The following PTGR2 variants were observed in gnomAD, a reference collection of about 807,000 sequenced individuals.
PTGR2 encodes the protein 15-oxoprostaglandin 13-reductase.
In PTGR2, 32 loss-of-function variants were observed where a neutral mutation model predicts 43.4. The ratio of observed to expected loss-of-function variants is 0.74; its 90% CI spans 0.56 to 0.99. The LOEUF (loss-of-function observed/expected upper bound fraction) is 0.99. Ranked by LOEUF, PTGR2 falls within the 50% of genes least tolerant of loss-of-function variation. PTGR2 has a pLI of 0.00. For synonymous variants in PTGR2, 106 were observed against 139.2 expected, an observed-to-expected ratio of 0.76 and a Z score of 1.68; for missense variants, 373 against 420.0, an observed-to-expected ratio of 0.89 and a Z score of 0.98.
At chr14:73,870,114 C>T (rs557464859) in intron 3 of PTGR2, among the ~76,000 whole-genome samples, 15 of 151,380 alleles carry the variant, frequency 9.9e-5, no homozygotes, top group African/African-American at 3.2e-4. Flanking sequence ...GGGAGGATGG[C>T]TTGAAGCCAT....
intron 3 of PTGR2, among the ~76,000 whole-genome samples, chr14:73,872,419 A>G (rs1387947514): frequency 6.6e-6 from 1 of 152,246 alleles, no homozygotes; most frequent in Non-Finnish European, 1.5e-5. Flanking sequence ...ATAGTTTTAT[A>G]ATATCAGCAA....
intron 3 of PTGR2, among the ~76,000 whole-genome samples, chr14:73,873,791 TTGTTAGCCAC>T (rs1445603688): frequency 1.3e-5 from 2 of 152,122 alleles, no homozygotes; most frequent in African/African-American, 4.8e-5. Context: ...ATACAATACA[TTGTTAGCCAC>T]TGTTCCCAGC....
rs551490339 is a variant in PTGR2 at position 73,877,048 on chromosome 14, A to C, written c.399A>C (p.Ile133=). ...ACCTTTCATATTTTCTTGGAGCTAT[A>C]GGTATGCCTGGTTTGACTTCCTTGA... ...DGHLSYFLGA[I]GMPGLTSLIG... is the part of the protein sequence containing the mutation. Residue 133 remains isoleucine, a synonymous_variant, in exon 5 of 10, where the codon ATA becomes ATC. Coordinates refer to ENST00000555661, the MANE Select transcript of PTGR2 (RefSeq NM_001146154.2). The C allele has an allele frequency of 1.1e-4, 178 of 1,613,894 alleles. No homozygotes were observed. The South Asian group carries it at 1.7e-3, about 16-fold the overall frequency.
chr14:73,884,314 G>A lies in PTGR2; in HGVS notation c.*137G>A. 1.8e-6 allele frequency: 1 copy of A among 570,092 alleles called. No homozygotes were observed. The highest frequency in any genetic ancestry group is 3.0e-6 in the Non-Finnish European group (1 of 330,840). The allele number at this position is 570,092 out of a possible 1,614,324, so 35.3% of individuals were successfully genotyped here. A position where few individuals can be genotyped will look rare whatever the true frequency, so the allele number is the denominator to read the frequency against. ...ATAGGTGTTATTTTTAGTTGCATAG[G>A]GTATTTGATACAATCATTAATGGAT... On this transcript the variant is annotated 3_prime_UTR_variant, in exon 10 of 10. Transcript: ENST00000555661.
intron 1 of PTGR2, among the ~76,000 whole-genome samples, chr14:73,856,066 G>C (rs542763328): frequency 1.3e-5 from 2 of 150,378 alleles, no homozygotes; most frequent in Admixed American, 1.3e-4. Context: ...AAAAAAAAAA[G>C]AAAGAAATTT....
chr14:73,872,773 T>C (rs1445288273), intron 3 of PTGR2, among the ~76,000 whole-genome samples: 1 of 151,610 alleles, frequency 6.6e-6, no homozygotes, highest in Non-Finnish European at 1.5e-5. Context: ...GGTCAGGAGT[T>C]CGAGACCAGC....
At chr14:73,883,509 A>G (rs2055052587) in intron 9 of PTGR2, among the ~76,000 whole-genome samples, 1 of 149,722 alleles carries the variant, frequency 6.7e-6, no homozygotes, top group Non-Finnish European at 1.5e-5. Context: ...TTTTTGAGAC[A>G]GGGCCATGCT....
At chr14:73,875,246 C>T (rs1293790542) in intron 4 of PTGR2, among the ~76,000 whole-genome samples, 1 of 152,138 alleles carries the variant, frequency 6.6e-6, no homozygotes, top group African/African-American at 2.4e-5. Context: ...GATCCTCCCG[C>T]CTCAGCCCCA....
chr14:73,880,021 A>G (rs757214341), intron 6 of PTGR2, 34 bp from the exon 7 acceptor site: 12 of 1,608,320 alleles, frequency 7.5e-6, no homozygotes, highest in Non-Finnish European at 9.4e-6. Context: ...AAACATAGGA[A>G]AGGGATATTT....
intron 3 of PTGR2, among the ~76,000 whole-genome samples, chr14:73,862,037 C>T (rs1228906771): frequency 2.0e-5 from 3 of 151,738 alleles, no homozygotes; most frequent in African/African-American, 7.3e-5. Flanking sequence ...ACCACCACAC[C>T]CAGCTAATTT....
intron 3 of PTGR2, among the ~76,000 whole-genome samples, chr14:73,867,377 T>C (rs1423680261): frequency 2.6e-5 from 4 of 152,108 alleles, no homozygotes; most frequent in Non-Finnish European, 5.9e-5. Flanking sequence ...TTCATAGATA[T>C]GTATGTATCC....
At chr14:73,873,614 G>A (rs957273712) in intron 3 of PTGR2, among the ~76,000 whole-genome samples, 1 of 151,856 alleles carries the variant, frequency 6.6e-6, no homozygotes, top group Non-Finnish European at 1.5e-5. Context: ...ACAGGCACCC[G>A]CCATCATGCC....
chr14:73,878,582 A>G, intron 5 of PTGR2: 2 of 389,280 alleles, frequency 5.1e-6, no homozygotes, highest in African/African-American at 2.2e-5. Context: ...GGCAGCGGCA[A>G]CAAGCTGTAG....
chr14:73,857,561 C>T (rs1330212210), intron 1 of PTGR2, among the ~76,000 whole-genome samples: 1 of 150,828 alleles, frequency 6.6e-6, no homozygotes, highest in Non-Finnish European at 1.5e-5. Flanking sequence ...TTGCGGTGAG[C>T]TGAGATCGCG....
chr14:73,852,564 TTGAA>T (rs2054254871), intron 1 of PTGR2, among the ~76,000 whole-genome samples: 1 of 152,128 alleles, frequency 6.6e-6, no homozygotes, highest in Admixed American at 6.6e-5. Context: ...ATTCACATCA[TTGAA>T]CAAAGCAGAC....
At chr14:73,868,377 G>A (rs980534231) in intron 3 of PTGR2, among the ~76,000 whole-genome samples, 1 of 152,056 alleles carries the variant, frequency 6.6e-6, no homozygotes, top group African/African-American at 2.4e-5. Context: ...TTGCCTCAGT[G>A]GATGTCTGTC....
intron 6 of PTGR2, 40 bp downstream of exon 6, chr14:73,879,345 T>C (rs748054348): frequency 6.4e-7 from 1 of 1,555,388 alleles, no homozygotes; most frequent in South Asian, 1.1e-5. Flanking sequence ...AATACTGCAC[T>C]TTATATGTTG....
intron 3 of PTGR2, among the ~76,000 whole-genome samples, chr14:73,860,877 A>G (rs780990054): frequency 5.3e-5 from 8 of 152,160 alleles, no homozygotes; most frequent in Non-Finnish European, 1.0e-4. Context: ...TATGTGATTC[A>G]GGTGCTTTCA....
intron 3 of PTGR2, among the ~76,000 whole-genome samples, chr14:73,861,947 G>C (rs1169583968): frequency 6.7e-6 from 1 of 149,830 alleles, no homozygotes; most frequent in Non-Finnish European, 1.5e-5. Flanking sequence ...GCACTATCTT[G>C]GCTCACTGCA....
Sources: allele counts gnomAD v4.1 joint callset (sites outside exome capture counted in the v4.1 genomes callset), GRCh38; gene constraint gnomAD v4.1.1; transcripts MANE v1.5; gene names NCBI Gene and HGNC (gene_info 2026-07-23, HGNC 2026-07-21).